The following NRP2 variants were observed in gnomAD, a reference collection of about 807,000 sequenced individuals.
The protein encoded by NRP2 is neuropilin 2.
NRP2 carries 52 observed loss-of-function variants against 110.4 expected under a neutral mutation model. That is an observed-to-expected ratio of 0.47 (90% CI 0.38 to 0.59). The LOEUF (loss-of-function observed/expected upper bound fraction) is 0.59. Among genes scored for constraint, NRP2 ranks in the 20% least tolerant of loss-of-function variants. The pLI is 0.00. For missense variants in NRP2, 1,049 were observed against 1,203.0 expected, an observed-to-expected ratio of 0.87 and a Z score of 1.89; for synonymous variants, 508 against 468.9, an observed-to-expected ratio of 1.08 and a Z score of -1.08.
chr2:205,722,068 T>C (rs2057024264), intron 3 of NRP2, among the ~76,000 whole-genome samples: 1 of 151,894 alleles, frequency 6.6e-6, no homozygotes, highest in African/African-American at 2.4e-5. Flanking sequence ...TCCTTAAGGA[T>C]TGAAATAACT....
chr2:205,741,597 A>C lies in NRP2; in HGVS notation c.1291+934A>C, dbSNP rs530977883. Among the ~76,000 whole-genome samples the C allele has an allele frequency of 3.3e-5, 5 of 152,312 alleles. No individual in the cohort carries two copies. The South Asian group carries it at 1.0e-3, about 32-fold the overall frequency. On this transcript the variant is annotated intron_variant, in intron 8 of 16. Transcript: ENST00000357785. ...CTGGATTAGCCCCAGAAATTTATGG[A>C]CAGACCAATCCCCTTTATCTTGTGG...
At chr2:205,752,427 A>G (rs578079246) in intron 11 of NRP2, 3 of 303,372 alleles carry the variant, frequency 9.9e-6, no homozygotes, top group Non-Finnish European at 1.9e-5. Flanking sequence ...TCTGAGAGCC[A>G]GGTTGGCAGG....
chr2:205,693,331 T>C (rs2105877584), intron 1 of NRP2, among the ~76,000 whole-genome samples: 1 of 152,282 alleles, frequency 6.6e-6, no homozygotes, highest in South Asian at 2.1e-4. Context: ...GGAATGGAGA[T>C]GCCCCATTTA....
chr2:205,776,639 T>A, intron 15 of NRP2: 2 of 1,582,724 alleles, frequency 1.3e-6, no homozygotes, highest in Non-Finnish European at 1.7e-6. Flanking sequence ...CAGACATCTC[T>A]TTCCCGGATC....
chr2:205,739,991 G>A (rs1324770098), intron 7 of NRP2: 8 of 245,228 alleles, frequency 3.3e-5, no homozygotes, highest in African/African-American at 1.4e-4. Context: ...GCCATTGTAG[G>A]TAGAGGGTGC....
At chr2:205,769,774 T>G (rs1393970288) in intron 15 of NRP2, among the ~76,000 whole-genome samples, 2 of 152,214 alleles carry the variant, frequency 1.3e-5, no homozygotes, top group Non-Finnish European at 2.9e-5. Flanking sequence ...GGTGCCGTCA[T>G]GTATCTTTTT....
intron 7 of NRP2, among the ~76,000 whole-genome samples, chr2:205,729,606 C>G (rs1447151640): frequency 6.6e-6 from 1 of 152,198 alleles, no homozygotes; most frequent in East Asian, 1.9e-4. Flanking sequence ...TGTCCAGGCG[C>G]AATGACTAAG....
intron 1 of NRP2, among the ~76,000 whole-genome samples, chr2:205,687,542 C>T (rs2056200827): frequency 1.3e-5 from 2 of 152,158 alleles, no homozygotes; most frequent in South Asian, 4.1e-4. Flanking sequence ...CCAAAGGGCC[C>T]CGGGCAGGCC....
intron 9 of NRP2, among the ~76,000 whole-genome samples, chr2:205,745,175 G>A (rs1471969634): frequency 1.3e-5 from 2 of 152,174 alleles, no homozygotes; most frequent in African/African-American, 4.8e-5. Context: ...TGACAGGAGT[G>A]CTTTCCCTAA....
intron 1 of NRP2, among the ~76,000 whole-genome samples, chr2:205,693,534 A>G (rs1386553324): frequency 6.6e-6 from 1 of 152,152 alleles, no homozygotes; most frequent in Non-Finnish European, 1.5e-5. Context: ...GAAAAAAAAA[A>G]AGTACTTCAA....
chr2:205,732,513 G>A (rs765210332), intron 7 of NRP2, among the ~76,000 whole-genome samples: 2 of 152,192 alleles, frequency 1.3e-5, no homozygotes, highest in Non-Finnish European at 2.9e-5. Context: ...GTGGCTGCAC[G>A]CCTCAGCGTT....
At chr2:205,707,193 A>G (rs1393210730) in intron 2 of NRP2, among the ~76,000 whole-genome samples, 1 of 152,224 alleles carries the variant, frequency 6.6e-6, no homozygotes, top group Admixed American at 6.5e-5. Flanking sequence ...ATGGGGAGAG[A>G]AGGTGAATGC....
intron 2 of NRP2, among the ~76,000 whole-genome samples, chr2:205,710,214 C>T (rs548885203): frequency 3.9e-5 from 6 of 152,308 alleles, no homozygotes; most frequent in African/African-American, 1.4e-4. Context: ...TCAGATCTTC[C>T]TCCCACAAGG....
intron 1 of NRP2, among the ~76,000 whole-genome samples, chr2:205,693,727 C>A (rs2056362928): frequency 6.6e-6 from 1 of 152,168 alleles, no homozygotes; most frequent in African/African-American, 2.4e-5. Context: ...CCCAGACTCA[C>A]CTTTTACAAC....
rs772292404 is a variant in NRP2 at position 205,722,525 on chromosome 2, G to A, written c.481G>A (p.Glu161Lys). 10 of 1,614,150 alleles carry A rather than the reference G, an allele frequency of 6.2e-6. No homozygotes were observed. Among genetic ancestry groups the A allele is most frequent in the South Asian group, 2.2e-5 (2 of 91,074 alleles). The change falls in exon 4 of 17, where the codon GAA becomes AAA. Residue 161 changes from glutamate (E) to lysine (K), a missense_variant. Glu to Lys is a moderately conservative substitution (Grantham distance 56). Transcript: ENST00000357785. ...CTTCACAAGCCCCAACGGGACCATC[G>A]AATCTCCTGGGTTTCCTGAGAAGTA... is the stretch of plus-strand genomic sequence containing the variant. The part of the protein sequence containing the change: ...KNFTSPNGTI[E>K]SPGFPEKYPH...
intron 16 of NRP2, among the ~76,000 whole-genome samples, 163 bp downstream of exon 16, chr2:205,792,448 T>A (rs1010449500): frequency 1.3e-5 from 2 of 152,250 alleles, no homozygotes; most frequent in African/African-American, 4.8e-5. Flanking sequence ...TCAATGGATC[T>A]GTCAGGGTCA....
intron 6 of NRP2, 107 bp from the exon 7 acceptor site, chr2:205,727,784 A>T (rs2057155464): frequency 1.8e-6 from 2 of 1,104,622 alleles, no homozygotes; most frequent in Non-Finnish European, 2.6e-6. Context: ...AGTGAATCAC[A>T]GATACAGGTT....
rs114027382 is a variant in NRP2 at position 205,707,237 on chromosome 2, G to A, written c.252-8956G>A. On this transcript the variant is annotated intron_variant, in intron 2 of 16. Coordinates refer to ENST00000357785, the MANE Select transcript of NRP2 (RefSeq NM_003872.3). ...GCCTCACATGGCCCGGGCTGCCTGT[G>A]CAGCATGATGCTTCAGAATGCAGCT... 4.7e-3 allele frequency among the ~76,000 whole-genome samples: 717 copies of A among 152,382 alleles called. 2 individuals are homozygous for A. Among genetic ancestry groups the A allele is most frequent in the African/African-American group, 0.016 (679 of 41,588 alleles).
At chr2:205,695,774 T>C (rs1206327751) in intron 1 of NRP2, among the ~76,000 whole-genome samples, 4 of 152,182 alleles carry the variant, frequency 2.6e-5, no homozygotes, top group African/African-American at 9.7e-5. Flanking sequence ...CCCTATTTCA[T>C]GTGCATAAGC....
Sources: allele counts gnomAD v4.1 joint callset (sites outside exome capture counted in the v4.1 genomes callset), GRCh38; gene constraint gnomAD v4.1.1; transcripts MANE v1.5; gene names NCBI Gene and HGNC (gene_info 2026-07-23, HGNC 2026-07-21).